DCC: variants seen among roughly 807,000 people sequenced by gnomAD.
DCC encodes the protein DCC netrin 1 receptor, also known as netrin receptor DCC.
In DCC, 58 loss-of-function variants were observed where a neutral mutation model predicts 172.5. The observed-to-expected ratio is 0.34, with a 90% CI of 0.27 to 0.42. The LOEUF (loss-of-function observed/expected upper bound fraction) is 0.42, where lower values mean the gene tolerates loss of function less well. Among genes scored for constraint, DCC ranks in the 10% least tolerant of loss-of-function variants. The pLI is 1.00. For synonymous variants in DCC, 709 were observed against 644.5 expected, an observed-to-expected ratio of 1.10 and a Z score of -1.52; for missense variants, 1,740 against 1,791.0, an observed-to-expected ratio of 0.97 and a Z score of 0.51.
intron 1 of DCC, among the ~76,000 whole-genome samples, chr18:52,436,162 C>T (rs886637457): frequency 6.6e-6 from 1 of 152,204 alleles, no homozygotes; most frequent in Non-Finnish European, 1.5e-5. Context: ...TTTTGAAATA[C>T]GTGGACATGA....
chr18:53,000,232 G>A (rs2041543296), intron 5 of DCC, among the ~76,000 whole-genome samples: 1 of 152,050 alleles, frequency 6.6e-6, no homozygotes, highest in African/African-American at 2.4e-5. Flanking sequence ...ATCAGTTCAG[G>A]TTCTTATTTC....
chr18:52,620,212 C>T (rs1210526345), intron 1 of DCC, among the ~76,000 whole-genome samples: 1 of 152,202 alleles, frequency 6.6e-6, no homozygotes, highest in East Asian at 1.9e-4. Context: ...TTTCACCTCT[C>T]AAACAATTTC....
At chr18:52,838,809 A>G (rs2038756987) in intron 2 of DCC, among the ~76,000 whole-genome samples, 1 of 152,248 alleles carries the variant, frequency 6.6e-6, no homozygotes, top group African/African-American at 2.4e-5. Context: ...AGTTCATAAA[A>G]TGGAAACACG....
intron 1 of DCC, among the ~76,000 whole-genome samples, chr18:52,704,523 A>G (rs1260273408): frequency 6.6e-6 from 1 of 152,242 alleles, no homozygotes; most frequent in Admixed American, 6.5e-5. Context: ...CTGAAAGTTT[A>G]TATTTTATTA....
intron 5 of DCC, among the ~76,000 whole-genome samples, chr18:53,032,531 T>C (rs550710634): frequency 6.6e-6 from 1 of 152,302 alleles, no homozygotes; most frequent in Non-Finnish European, 1.5e-5. Context: ...TAAAAATTCT[T>C]TTAGGATTTA....
At chr18:52,569,533 A>C (rs539371688) in intron 1 of DCC, among the ~76,000 whole-genome samples, 2 of 152,330 alleles carry the variant, frequency 1.3e-5, no homozygotes, top group South Asian at 4.1e-4. Context: ...TACATACTCT[A>C]TACTCCTATG....
chr18:52,500,615 G>C lies in DCC; in HGVS notation c.91+159737G>C, dbSNP rs371437394. Among the ~76,000 whole-genome samples, 4 of 152,176 alleles carry C rather than the reference G, an allele frequency of 2.6e-5. No individual in the cohort carries two copies. The East Asian group carries it at 7.7e-4, about 29-fold the overall frequency. On this transcript the variant is annotated intron_variant, in intron 1 of 28. Coordinates refer to ENST00000442544, the MANE Select transcript of DCC (RefSeq NM_005215.4). The stretch of plus-strand genomic sequence containing the variant: ...ATTTCTCTCCCTACCTTGTCTTTCC[G>C]TGTAAAAACTTTAGATGAATACAAT...
chr18:52,920,799 G>A (rs998977574), intron 3 of DCC, among the ~76,000 whole-genome samples: 2 of 152,046 alleles, frequency 1.3e-5, no homozygotes, highest in Non-Finnish European at 2.9e-5. Context: ...ATAGACGAAT[G>A]GATAAACTGG....
intron 1 of DCC, among the ~76,000 whole-genome samples, chr18:52,660,647 A>T (rs993046487): frequency 1.3e-5 from 2 of 152,164 alleles, no homozygotes; most frequent in Non-Finnish European, 2.9e-5. Context: ...CGAATTACAG[A>T]TTTGTGTTTC....
At chr18:53,332,324 A>G (rs2057537811) in intron 14 of DCC, among the ~76,000 whole-genome samples, 1 of 152,214 alleles carries the variant, frequency 6.6e-6, no homozygotes, top group Non-Finnish European at 1.5e-5. Context: ...ACACAAAACT[A>G]TTAAGATAAA....
intron 21 of DCC, among the ~76,000 whole-genome samples, chr18:53,434,092 A>C (rs1408456884): frequency 1.3e-5 from 2 of 152,198 alleles, no homozygotes; most frequent in Non-Finnish European, 2.9e-5. Context: ...ATGCAAAATA[A>C]AGTCACAAAA....
At chr18:52,404,502 G>T (rs1986560045) in intron 1 of DCC, among the ~76,000 whole-genome samples, 1 of 152,002 alleles carries the variant, frequency 6.6e-6, no homozygotes, top group African/African-American at 2.4e-5. Context: ...CATAACTGAA[G>T]TTGGTAAAGA....
intron 5 of DCC, among the ~76,000 whole-genome samples, chr18:52,927,816 G>A (rs1450714548): frequency 1.3e-5 from 2 of 152,078 alleles, no homozygotes; most frequent in East Asian, 1.9e-4. Context: ...CACTGCTTGT[G>A]GGAATGTGAC....
At chr18:52,505,875 AAT>A (rs777427108) in intron 1 of DCC, among the ~76,000 whole-genome samples, 117 of 152,164 alleles carry the variant, frequency 7.7e-4, no homozygotes, top group Non-Finnish European at 1.5e-3. Flanking sequence ...AAACAGCTGT[AAT>A]ATTTTTGAAA....
chr18:53,135,026 A>T (rs1236481312), intron 7 of DCC, among the ~76,000 whole-genome samples: 3 of 152,176 alleles, frequency 2.0e-5, no homozygotes, highest in African/African-American at 7.2e-5. Flanking sequence ...CGTGAACACC[A>T]ATAGGAACCT....
At chr18:53,317,338 T>C (rs1254867712) in intron 13 of DCC, among the ~76,000 whole-genome samples, 1 of 152,254 alleles carries the variant, frequency 6.6e-6, no homozygotes, top group Non-Finnish European at 1.5e-5. Context: ...GCCAACTTGA[T>C]TATGGTGAAT....
At chr18:52,931,872 C>T (rs1396958286) in intron 5 of DCC, 5 of 152,028 alleles carry the variant, frequency 3.3e-5, no homozygotes, top group Non-Finnish European at 1.5e-5. Context: ...CATCTGAAAC[C>T]TGGCTTCAGT....
At chr18:52,487,877 A>G (rs893738744) in intron 1 of DCC, among the ~76,000 whole-genome samples, 3 of 150,976 alleles carry the variant, frequency 2.0e-5, no homozygotes, top group African/African-American at 7.3e-5. Flanking sequence ...CAGCTCCTTG[A>G]CAAATACATA....
intron 12 of DCC, among the ~76,000 whole-genome samples, chr18:53,295,265 A>C (rs1205927402): frequency 6.6e-6 from 1 of 152,130 alleles, no homozygotes; most frequent in African/African-American, 2.4e-5. Context: ...TTATATATTT[A>C]TTAATGCTAA....
Sources: allele counts gnomAD v4.1 joint callset (sites outside exome capture counted in the v4.1 genomes callset), GRCh38; gene constraint gnomAD v4.1.1; transcripts MANE v1.5; gene names NCBI Gene and HGNC (gene_info 2026-07-23, HGNC 2026-07-21).